GPR157: variants seen among roughly 807,000 people sequenced by gnomAD.
GPR157 encodes the protein G protein-coupled receptor 157.
GPR157 carries 16 observed loss-of-function variants against 23.5 expected under a neutral mutation model. The observed-to-expected ratio is 0.68, with a 90% CI of 0.46 to 1.04. The LOEUF is 1.04. Among genes scored for constraint, GPR157 ranks in the 50% least tolerant of loss-of-function variants. The pLI, the probability that GPR157 is intolerant of heterozygous loss-of-function variation, is 0.00. For missense variants in GPR157, 440 were observed against 460.7 expected, an observed-to-expected ratio of 0.96 and a Z score of 0.41; for synonymous variants, 200 against 221.5, an observed-to-expected ratio of 0.90 and a Z score of 0.86.
chr1:9,113,032 A>G (rs1475738393), intron 1 of GPR157, among the ~76,000 whole-genome samples: 1 of 152,180 alleles, frequency 6.6e-6, no homozygotes, highest in Non-Finnish European at 1.5e-5. Context: ...CAAAGTGTGG[A>G]TGACGACAGT....
At chr1:9,111,098 A>G (rs113535724) in intron 2 of GPR157, 178 bp downstream of exon 2, 39 of 669,628 alleles carry the variant, frequency 5.8e-5, no homozygotes, top group African/African-American at 4.6e-4. Context: ...CGATCCGTGT[A>G]ACACAGCGTG....
intron 1 of GPR157, among the ~76,000 whole-genome samples, chr1:9,121,329 C>T (rs1638793952): frequency 6.7e-6 from 1 of 148,496 alleles, no homozygotes; most frequent in Admixed American, 6.8e-5. Context: ...CAGACTCTGT[C>T]TCAAAAAAAC....
At chr1:9,109,055 C>T (rs1268546617) in intron 2 of GPR157, among the ~76,000 whole-genome samples, 5 of 151,128 alleles carry the variant, frequency 3.3e-5, no homozygotes, top group South Asian at 2.1e-4. Flanking sequence ...GGATTACAGG[C>T]GTGAGCCACC....
chr1:9,109,139 A>G (rs1182064927), intron 2 of GPR157, among the ~76,000 whole-genome samples: 1 of 140,290 alleles, frequency 7.1e-6, no homozygotes, highest in East Asian at 2.1e-4. Flanking sequence ...CTAGAGTACA[A>G]TGGTGCAATC....
In GPR157 at chr1:9,129,077, C is replaced by T; in HGVS notation, c.-50G>A. The T allele has an allele frequency of 2.5e-6, 3 of 1,210,926 alleles. No individual in the cohort carries two copies. Among genetic ancestry groups the T allele is most frequent in the Non-Finnish European group, 3.1e-6 (3 of 975,338 alleles). 75.0% of individuals were successfully genotyped at this position (1,210,926 alleles called of 1,614,324 possible). On this transcript the variant is annotated 5_prime_UTR_variant, in exon 1 of 4. Coordinates refer to ENST00000377411, the MANE Select transcript of GPR157 (RefSeq NM_024980.5). Reference sequence around the variant, plus strand: ...CGCCGCGAGGACAGAAGCCGGGCCGCGCGTGCGGCCACGCCGCCGCCGTCT... The same window carrying T: ...CGCCGCGAGGACAGAAGCCGGGCCGTGCGTGCGGCCACGCCGCCGCCGTCT...
At chr1:9,110,752 G>A (rs1167413521) in intron 2 of GPR157, among the ~76,000 whole-genome samples, 2 of 152,130 alleles carry the variant, frequency 1.3e-5, no homozygotes, top group Admixed American at 6.6e-5. Flanking sequence ...ACTCATTTCT[G>A]AATTCTGGAA....
intron 1 of GPR157, among the ~76,000 whole-genome samples, chr1:9,123,508 AAT>A (rs1246290002): frequency 1.8e-5 from 1 of 56,486 alleles, no homozygotes; most frequent in Non-Finnish European, 3.2e-5. Flanking sequence ...ATATATTCAA[AAT>A]ATATATTTAA....
intron 1 of GPR157, among the ~76,000 whole-genome samples, chr1:9,111,942 C>A (rs547084158): frequency 3.9e-5 from 6 of 152,202 alleles, no homozygotes; most frequent in Admixed American, 2.6e-4. Context: ...TGCGTTCCCG[C>A]CTGGGTGACA....
In GPR157 at chr1:9,104,424, T is replaced by G. The variant is rs1483660549; in HGVS notation, c.1003A>C (p.Thr335Pro). ...GAACTAGAAAGGACAAAAGCTCAGG[T>G]GCTTGGAAGTTCCCCTGGGGTCCCT... ...SQGTPGELPS[T>P] is the part of the protein sequence containing the mutation. The change falls in exon 4 of 4, where the codon ACC becomes CCC. Residue 335 changes from threonine (T) to proline (P), a missense_variant. Physicochemically the swap from Thr to Pro is conservative, Grantham distance 38. Transcript: ENST00000377411. 1.2e-6 allele frequency: 2 copies of G among 1,613,200 alleles called. No individual in the cohort carries two copies. The highest frequency in any genetic ancestry group is 2.7e-5 in the African/African-American group (2 of 74,780).
chr1:9,111,726 C>T (rs1296670967), intron 1 of GPR157, among the ~76,000 whole-genome samples: 3 of 152,290 alleles, frequency 2.0e-5, no homozygotes, highest in East Asian at 3.9e-4. Context: ...CAGCTCCCAG[C>T]GTGTGCCCAG....
At chr1:9,124,345 T>C (rs1158667394) in intron 1 of GPR157, among the ~76,000 whole-genome samples, 2 of 152,262 alleles carry the variant, frequency 1.3e-5, no homozygotes, top group East Asian at 3.9e-4. Flanking sequence ...CATGCAGGAT[T>C]GTGTAAAGAC....
chr1:9,127,577 T>C (rs915021077), intron 1 of GPR157, among the ~76,000 whole-genome samples: 15 of 152,216 alleles, frequency 9.9e-5, no homozygotes, highest in Non-Finnish European at 2.1e-4. Context: ...AAAGATTTTT[T>C]ACTTGTACAG....
chr1:9,104,182 T>C lies in GPR157; in HGVS notation c.*237A>G, dbSNP rs1257609103. On this transcript the variant is annotated 3_prime_UTR_variant, in exon 4 of 4. Coordinates refer to ENST00000377411, the MANE Select transcript of GPR157 (RefSeq NM_024980.5). ...TTCCCGAATCTCACTGCTACCCTTA[T>C]GCAGATGAACGCCCACCCGTGGGCC... is the stretch of plus-strand genomic sequence containing the variant. 3 of 541,836 alleles carry C rather than the reference T, an allele frequency of 5.5e-6. No homozygotes were observed. Among genetic ancestry groups the C allele is most frequent in the Admixed American group, 6.2e-5 (2 of 32,232 alleles). The allele number at this position is 541,836 out of a possible 1,614,324, so 33.6% of individuals were successfully genotyped here.
At chr1:9,121,712 T>C (rs1473499631) in intron 1 of GPR157, among the ~76,000 whole-genome samples, 1 of 152,216 alleles carries the variant, frequency 6.6e-6, no homozygotes, top group Non-Finnish European at 1.5e-5. Flanking sequence ...TTCCCCTTTT[T>C]GCTACGTTGG....
intron 1 of GPR157, among the ~76,000 whole-genome samples, chr1:9,123,535 T>TAAAATATATCTAATTTACATATATATTTA (rs200648536): frequency 1.1e-5 from 1 of 93,930 alleles, no homozygotes; most frequent in Non-Finnish European, 1.8e-5. Context: ...AATATATATT[T>TAAAATATATCTAATTTACATATATATTTA]AAATATATCT....
chr1:9,116,223 C>A (rs74194788), intron 1 of GPR157, among the ~76,000 whole-genome samples: 1 of 2,102 alleles, frequency 4.8e-4, no homozygotes, highest in Non-Finnish European at 6.7e-4. Flanking sequence ...ATATATATTA[C>A]ATATAATATA....
chr1:9,105,352 CACAG>C lies in GPR157; in HGVS notation c.792+130_792+133del. 1.3e-6 allele frequency: 1 copy of C among 753,268 alleles called. No homozygotes were observed. The highest frequency in any genetic ancestry group is 2.1e-6 in the Non-Finnish European group (1 of 469,952). The allele number at this position is 753,268 out of a possible 1,614,324, so 46.7% of individuals were successfully genotyped here. A position where few individuals can be genotyped will look rare whatever the true frequency, so the allele number is the denominator to read the frequency against. ...GTCTCAGGCAGAGAGGAAGGCACAGCACAGTGGGGCCGAGCTCCTCCCTGCAGCT... is the reference window on the plus strand; with the variant it reads ...GTCTCAGGCAGAGAGGAAGGCACAGCTGGGGCCGAGCTCCTCCCTGCAGCT... On this transcript the variant is annotated intron_variant, in intron 3 of 3. Transcript: ENST00000377411. This position sits in a 1 kb window ranked among gnomAD's most constrained non-coding sequence, Gnocchi z 4.8.
At chr1:9,119,280 A>G (rs1569969453) in intron 1 of GPR157, among the ~76,000 whole-genome samples, 1 of 152,038 alleles carries the variant, frequency 6.6e-6, no homozygotes, top group South Asian at 2.1e-4. Context: ...TGATCCGCCC[A>G]CCTCGGCCTC....
intron 2 of GPR157, among the ~76,000 whole-genome samples, chr1:9,108,803 T>C (rs937660248): frequency 3.4e-5 from 5 of 148,234 alleles, no homozygotes; most frequent in Non-Finnish European, 7.5e-5. Context: ...TAATTTTTTT[T>C]TTGAGAAGGA....
Sources: allele counts gnomAD v4.1 joint callset (sites outside exome capture counted in the v4.1 genomes callset), GRCh38; gene constraint gnomAD v4.1.1; non-coding constraint Gnocchi (gnomAD v3.1); transcripts MANE v1.5; gene names NCBI Gene and HGNC (gene_info 2026-07-23, HGNC 2026-07-21).